The following KAT6A variants were observed in gnomAD, a reference collection of about 807,000 sequenced individuals.
KAT6A encodes the protein lysine acetyltransferase 6A, also known as histone acetyltransferase KAT6A.
Under a neutral mutation model 198.4 loss-of-function variants are expected in KAT6A, and 9 were observed. The observed-to-expected ratio is 0.05, with a 90% CI of 0.03 to 0.08. The LOEUF (loss-of-function observed/expected upper bound fraction) is 0.08. Among genes scored for constraint, KAT6A ranks in the 10% least tolerant of loss-of-function variants. The pLI, the probability that KAT6A is intolerant of heterozygous loss-of-function variation, is 1.00. For synonymous variants in KAT6A, 890 were observed against 883.0 expected (o/e 1.01, Z -0.14); for missense variants, 2,077 against 2,509.9 (o/e 0.83, Z 3.69).
Position 41,932,664 on chromosome 8 carries a change from C to T in KAT6A, c.5556G>A (p.Lys1852=). 1 of 1,614,252 alleles carries T rather than the reference C, an allele frequency of 6.2e-7. No homozygotes were observed. Among genetic ancestry groups the T allele is most frequent in the Non-Finnish European group, 8.5e-7 (1 of 1,180,046 alleles). ...ACTTGGAGCGGATGGAAATGTGCCCCTTCACTGGCATTTGCCCTTGCAATC... is the reference window on the plus strand; with the variant it reads ...ACTTGGAGCGGATGGAAATGTGCCCTTTCACTGGCATTTGCCCTTGCAATC... ...TQRLQGQMPV[K]GHISIRSKSA... The change falls in exon 17 of 17, where the codon AAG becomes AAA. Residue 1852 remains lysine, a synonymous_variant. Coordinates refer to ENST00000265713, the MANE Select transcript of KAT6A (RefSeq NM_006766.5).
chr8:42,022,118 G>C (rs1234688408), intron 2 of KAT6A, among the ~76,000 whole-genome samples: 1 of 152,100 alleles, frequency 6.6e-6, no homozygotes, highest in Non-Finnish European at 1.5e-5. Context: ...TCTTTAAAGA[G>C]TTGCTGTGAT....
At chr8:42,026,700 T>C (rs775146128) in intron 2 of KAT6A, among the ~76,000 whole-genome samples, 2 of 152,228 alleles carry the variant, frequency 1.3e-5, no homozygotes, top group Admixed American at 1.3e-4. Context: ...TGAGATCATG[T>C]TGTCTGCAAA....
At chr8:41,989,435 G>GGA (rs1466278847) in intron 2 of KAT6A, among the ~76,000 whole-genome samples, 2 of 152,048 alleles carry the variant, frequency 1.3e-5, no homozygotes, top group Non-Finnish European at 2.9e-5. Flanking sequence ...CTTGAACCCG[G>GGA]GAGGTAGAGG....
intron 2 of KAT6A, among the ~76,000 whole-genome samples, chr8:41,997,119 G>A (rs566659059): frequency 7.9e-5 from 12 of 152,246 alleles, no homozygotes; most frequent in East Asian, 1.9e-4. Context: ...ATGGTATCAC[G>A]ACAGTGTGAA....
At chr8:42,041,669 C>T (rs1030358717) in intron 2 of KAT6A, among the ~76,000 whole-genome samples, 3 of 151,698 alleles carry the variant, frequency 2.0e-5, no homozygotes, top group East Asian at 3.9e-4. Context: ...ACCTGGAAGG[C>T]GGAGGTTGCA....
At chr8:41,944,493 G>C (rs1274850727) in intron 12 of KAT6A, among the ~76,000 whole-genome samples, 1 of 152,166 alleles carries the variant, frequency 6.6e-6, no homozygotes, top group Non-Finnish European at 1.5e-5. Flanking sequence ...GCCAATATAA[G>C]TGTGGAACTG....
intron 5 of KAT6A, 23 bp downstream of exon 5, chr8:41,980,823 T>G (rs1824316034): frequency 8.4e-6 from 13 of 1,553,712 alleles, no homozygotes; most frequent in African/African-American, 1.4e-5. Flanking sequence ...ATTCCCAGTT[T>G]TATTTCAGAA....
At chr8:42,021,214 C>G (rs1254310152) in intron 2 of KAT6A, among the ~76,000 whole-genome samples, 1 of 152,104 alleles carries the variant, frequency 6.6e-6, no homozygotes, top group Non-Finnish European at 1.5e-5. Context: ...TGTTATCTGT[C>G]TACTTCTATG....
intron 2 of KAT6A, among the ~76,000 whole-genome samples, chr8:42,003,657 C>G (rs942183179): frequency 6.6e-6 from 1 of 152,024 alleles, no homozygotes; most frequent in Non-Finnish European, 1.5e-5. Flanking sequence ...TTCAGGAGGT[C>G]ATTGTTACAG....
intron 2 of KAT6A, among the ~76,000 whole-genome samples, chr8:42,027,084 A>G (rs959943738): frequency 1.3e-5 from 2 of 152,228 alleles, no homozygotes; most frequent in Admixed American, 1.3e-4. Context: ...CATAGGTTGA[A>G]CATGAACATA....
At chr8:42,050,791 T>G (rs1802576242) in intron 1 of KAT6A, among the ~76,000 whole-genome samples, 1 of 152,094 alleles carries the variant, frequency 6.6e-6, no homozygotes, top group Admixed American at 6.5e-5. Context: ...GCTTCGCAGG[T>G]AAAAGAATGA....
chr8:41,970,600 G>A (rs533330319), intron 8 of KAT6A, among the ~76,000 whole-genome samples: 7 of 152,220 alleles, frequency 4.6e-5, no homozygotes, highest in East Asian at 1.9e-4. Context: ...GAAAGGCCTC[G>A]TTCTCACTTT....
intron 2 of KAT6A, among the ~76,000 whole-genome samples, chr8:42,000,385 T>C (rs1031401654): frequency 2.6e-5 from 4 of 152,030 alleles, no homozygotes; most frequent in African/African-American, 9.7e-5. Context: ...GCCTCGTCTC[T>C]ACCAAAAATA....
chr8:42,039,902 A>ATTT (rs56756690), intron 2 of KAT6A, among the ~76,000 whole-genome samples: 1 of 144,430 alleles, frequency 6.9e-6, no homozygotes, highest in African/African-American at 2.5e-5. Context: ...CCTGGCTAAT[A>ATTT]TTTTTTTTTT....
chr8:41,967,104 T>C (rs1373351554), intron 8 of KAT6A, among the ~76,000 whole-genome samples: 5 of 152,064 alleles, frequency 3.3e-5, no homozygotes, highest in African/African-American at 9.7e-5. Context: ...TCCAGAACCA[T>C]ACAAAAACCA....
chr8:42,004,372 A>C (rs900355776), intron 2 of KAT6A, among the ~76,000 whole-genome samples: 1 of 152,338 alleles, frequency 6.6e-6, no homozygotes, highest in Middle Eastern at 3.4e-3. Flanking sequence ...AAGTAACTAC[A>C]TAAAGCTTTA....
chr8:42,039,650 A>G (rs1156315217), intron 2 of KAT6A, among the ~76,000 whole-genome samples: 1 of 152,222 alleles, frequency 6.6e-6, no homozygotes, highest in Non-Finnish European at 1.5e-5. Context: ...GGGTAAAAAG[A>G]AATTTAATGT....
chr8:41,932,205 T>G lies in KAT6A; in HGVS notation c.6015A>C (p.Ter2005CysextTer3). 1 of 1,556,212 alleles carries G rather than the reference T, an allele frequency of 6.4e-7. No individual in the cohort carries two copies. Among genetic ancestry groups the G allele is most frequent in the Non-Finnish European group, 8.7e-7 (1 of 1,151,794 alleles). ...QSLNGPYMRR[*>C] The stretch of plus-strand genomic sequence containing the variant: ...GTTTTTGATTGCAAGTTCATCTTGC[T>G]CATCTTCTCATGTAAGGTCCGTTGA... Residue 2005 changes from the stop codon to cysteine, a stop_lost, in exon 17 of 17, where the codon TGA becomes TGC. Coordinates refer to ENST00000265713, the MANE Select transcript of KAT6A (RefSeq NM_006766.5).
chr8:41,939,654 G>A (rs1176069809), intron 15 of KAT6A, among the ~76,000 whole-genome samples: 1 of 152,118 alleles, frequency 6.6e-6, no homozygotes, highest in Non-Finnish European at 1.5e-5. Context: ...ATATCATGAG[G>A]GATCATCTAC....
Sources: gnomAD v4.1 joint callset for allele counts (sites outside exome capture counted in the v4.1 genomes callset) on GRCh38, gnomAD v4.1.1 for gene constraint, MANE v1.5 for transcripts, NCBI Gene and HGNC (gene_info 2026-07-23, HGNC 2026-07-21) for gene names.